The following LRRC69 variants were observed in gnomAD, a reference collection of about 807,000 sequenced individuals.
LRRC69 encodes the protein leucine rich repeat containing 69.
A neutral mutation model predicts 37.8 loss-of-function variants in LRRC69; 42 were observed. The observed-to-expected ratio is 1.11, with a 90% CI of 0.87 to 1.44. The LOEUF is 1.44. LRRC69 is among the 40% of genes most tolerant of loss of function. The pLI is 0.00. For synonymous variants in LRRC69, 141 were observed against 143.1 expected (o/e 0.99, Z 0.11); for missense variants, 357 against 401.9 (o/e 0.89, Z 0.96).
At chr8:91,125,694 T>C (rs1813703289) in intron 2 of LRRC69, among the ~76,000 whole-genome samples, 1 of 151,642 alleles carries the variant, frequency 6.6e-6, no homozygotes, top group Non-Finnish European at 1.5e-5. Flanking sequence ...ATATTGAACA[T>C]ACTAATTTAT....
At chr8:91,139,518 G>T (rs955414695) in intron 5 of LRRC69, among the ~76,000 whole-genome samples, 1 of 122 alleles carries the variant, frequency 8.2e-3, no homozygotes, top group Non-Finnish European at 0.015. Context: ...GAGGTGATCC[G>T]CCCACTTCGG....
intron 7 of LRRC69, among the ~76,000 whole-genome samples, chr8:91,201,952 T>A (rs1003840640): frequency 6.6e-6 from 1 of 152,152 alleles, no homozygotes; most frequent in Non-Finnish European, 1.5e-5. Context: ...ACACCTGTAA[T>A]CCCAGCACTT....
chr8:91,105,260 A>C (rs775379161), intron 1 of LRRC69, among the ~76,000 whole-genome samples: 2 of 151,904 alleles, frequency 1.3e-5, no homozygotes, highest in Non-Finnish European at 2.9e-5. Context: ...TGGAAAAAAA[A>C]ACACAATTTT....
At chr8:91,150,718 A>AT (rs1031448971) in intron 5 of LRRC69, among the ~76,000 whole-genome samples, 2 of 149,716 alleles carry the variant, frequency 1.3e-5, no homozygotes, top group East Asian at 4.0e-4. Flanking sequence ...CTGGTCCTGG[A>AT]TTTTTTTTGG....
chr8:91,167,909 A>G (rs1809057303), intron 5 of LRRC69, among the ~76,000 whole-genome samples: 1 of 151,924 alleles, frequency 6.6e-6, no homozygotes, highest in Admixed American at 6.6e-5. Flanking sequence ...TATTAACTGT[A>G]TGACTTTCTG....
chr8:91,208,403 C>T (rs969576726), intron 7 of LRRC69, among the ~76,000 whole-genome samples: 17 of 151,906 alleles, frequency 1.1e-4, no homozygotes, highest in African/African-American at 3.6e-4. Flanking sequence ...CCTTGGAGGG[C>T]AATATTATTA....
chr8:91,110,341 T>TA (rs1813387773), intron 1 of LRRC69, among the ~76,000 whole-genome samples: 1 of 152,044 alleles, frequency 6.6e-6, no homozygotes, highest in South Asian at 2.1e-4. Flanking sequence ...TTTTAATACT[T>TA]AAAAAGGTTT....
chr8:91,214,233 G>C (rs1006400822), intron 7 of LRRC69, among the ~76,000 whole-genome samples: 2 of 152,100 alleles, frequency 1.3e-5, no homozygotes, highest in Non-Finnish European at 2.9e-5. Flanking sequence ...CCTCTGAGGG[G>C]TGTGAAGGAG....
intron 5 of LRRC69, among the ~76,000 whole-genome samples, chr8:91,144,426 C>G (rs902935972): frequency 6.6e-6 from 1 of 151,998 alleles, no homozygotes; most frequent in Admixed American, 6.6e-5. Flanking sequence ...TAAACTATCT[C>G]CCTGAAGGGG....
At chr8:91,207,976 C>T (rs368244635) in intron 7 of LRRC69, among the ~76,000 whole-genome samples, 10 of 152,192 alleles carry the variant, frequency 6.6e-5, no homozygotes, top group Non-Finnish European at 7.3e-5. Context: ...CCTCTCTTTT[C>T]GGCCTCTACA....
At chr8:91,159,544 A>C (rs1310949092) in intron 5 of LRRC69, among the ~76,000 whole-genome samples, 1 of 151,182 alleles carries the variant, frequency 6.6e-6, no homozygotes, top group Non-Finnish European at 1.5e-5. Context: ...TTTCACATAC[A>C]CTCTAGCTGA....
chr8:91,124,441 TCA>T, intron 1 of LRRC69, 50 bp from the exon 2 acceptor site: 2 of 1,391,054 alleles, frequency 1.4e-6, no homozygotes, highest in Middle Eastern at 1.9e-4. Flanking sequence ...TTTCTTTTTT[TCA>T]TTTGAAGTTG....
At chr8:91,122,933 G>C in intron 1 of LRRC69, among the ~76,000 whole-genome samples, 1 of 152,064 alleles carries the variant, frequency 6.6e-6, no homozygotes. Context: ...AGCTAACCTG[G>C]AGAATGGGAG....
intron 5 of LRRC69, among the ~76,000 whole-genome samples, chr8:91,179,349 A>C (rs1809286299): frequency 6.6e-6 from 1 of 152,124 alleles, no homozygotes; most frequent in African/African-American, 2.4e-5. Context: ...AGCAAGAGGG[A>C]AAGTGCAACA....
intron 1 of LRRC69, among the ~76,000 whole-genome samples, chr8:91,119,300 A>G (rs1586228652): frequency 6.6e-6 from 1 of 152,234 alleles, no homozygotes; most frequent in East Asian, 1.9e-4. Flanking sequence ...CCATGGTGAC[A>G]GAGTATAAAT....
intron 5 of LRRC69, among the ~76,000 whole-genome samples, chr8:91,169,793 G>A (rs1318070907): frequency 1.5e-5 from 2 of 137,772 alleles, no homozygotes; most frequent in African/African-American, 2.8e-5. Context: ...TTGTTCTTGC[G>A]ATAGTTTACT....
chr8:91,163,215 A>C (rs1245072593), intron 5 of LRRC69, among the ~76,000 whole-genome samples: 1 of 151,348 alleles, frequency 6.6e-6, no homozygotes, highest in East Asian at 1.9e-4. Context: ...TATGGCACTT[A>C]CCACTGTAAT....
intron 6 of LRRC69, among the ~76,000 whole-genome samples, chr8:91,190,413 C>T (rs12545986): frequency 0.47 from 71,115 of 151,300 alleles, 18,087 homozygotes; most frequent in South Asian, 0.62. Context: ...TACAAGCTCC[C>T]GTAGAGAAAT....
At chr8:91,116,666 A>G (rs1159120475) in intron 1 of LRRC69, among the ~76,000 whole-genome samples, 1 of 151,990 alleles carries the variant, frequency 6.6e-6, no homozygotes, top group East Asian at 1.9e-4. Context: ...TAGGCCGTAG[A>G]ATGAACCTAG....
Sources: allele counts gnomAD v4.1 joint callset (sites outside exome capture counted in the v4.1 genomes callset), GRCh38; gene constraint gnomAD v4.1.1; transcripts MANE v1.5; gene names NCBI Gene and HGNC (gene_info 2026-07-23, HGNC 2026-07-21).